Variants in SNRNP200 observed in about 807,000 individuals in gnomAD.
SNRNP200 encodes small nuclear ribonucleoprotein U5 subunit 200, also known as U5 small nuclear ribonucleoprotein 200 kDa helicase.
A neutral mutation model predicts 255.2 loss-of-function variants in SNRNP200; 66 were observed. That is an observed-to-expected ratio of 0.26 (90% CI 0.21 to 0.32). The LOEUF is 0.32. Among genes scored for constraint, SNRNP200 ranks in the 10% least tolerant of loss-of-function variants. SNRNP200 has a pLI of 1.00. For synonymous variants in SNRNP200, 939 were observed against 1,027.8 expected (o/e 0.91, Z 1.65); for missense variants, 1,585 against 2,749.8 (o/e 0.58, Z 9.47).
intron 8 of SNRNP200, 69 bp downstream of exon 8, chr2:96,298,534 A>G: frequency 1.2e-6 from 2 of 1,607,984 alleles, no homozygotes; most frequent in Non-Finnish European, 8.5e-7. Context: ...TGTGAAAACA[A>G]CAGAATCTCT....
chr2:96,297,700 C>G lies in SNRNP200; in HGVS notation c.1140G>C (p.Glu380Asp). 1 of 1,614,238 alleles carries G rather than the reference C, an allele frequency of 6.2e-7. No homozygotes were observed. Among genetic ancestry groups the G allele is most frequent in the East Asian group, 2.2e-5 (1 of 44,892 alleles). ...DLIREERSRRERVRQSRMDTD... is the reference protein window; with the variant it reads ...DLIREERSRRDRVRQSRMDTD... ...TGTCCATTCGAGACTGACGCACTCG[C>G]TCTCTCCGGGACCTTTCCTCCTGTA... The change falls in exon 10 of 45, where the codon GAG becomes GAC. Residue 380 changes from glutamate to aspartate, a missense_variant. By Grantham distance (45) the Glu-to-Asp change is conservative. Around this residue, in one of 9 missense-constraint regions of SNRNP200, gnomAD observed 383 missense variants for 645.3 expected, o/e 0.59. Transcript: ENST00000323853.
chr2:96,289,007 C>T, intron 23 of SNRNP200, 30 bp downstream of exon 23: 8 of 1,569,028 alleles, frequency 5.1e-6, no homozygotes, highest in Non-Finnish European at 7.0e-6. Flanking sequence ...AATCCTCATC[C>T]TTATCAAAGC....
In SNRNP200 at chr2:96,287,142, G is replaced by T; in HGVS notation, c.3503C>A (p.Pro1168Gln). The T allele has an allele frequency of 6.2e-7, 1 of 1,614,202 alleles. No individual in the cohort carries two copies. Among genetic ancestry groups the T allele is most frequent in the African/African-American group, 1.3e-5 (1 of 75,036 alleles). The change falls in exon 27 of 45, where the codon CCA (proline) becomes CAA (glutamine). Residue 1168 changes from proline to glutamine, a missense_variant. Pro to Gln is a moderately conservative substitution (Grantham distance 76). Around this residue, in one of 9 missense-constraint regions of SNRNP200, gnomAD observed 719 missense variants for 1,091.1 expected, o/e 0.66. Transcript: ENST00000323853. This position sits in a 1 kb window ranked among gnomAD's most constrained non-coding sequence, Gnocchi z 5.7. ...TTTGTGGATGGTCTTCCCCATCTTT[G>T]GCATGCGGATAAGCTCCCCTACAAG... ...HNEIGELIRM[P>Q]KMGKTIHKYV...
rs374123184 is a variant in SNRNP200, at chr2:96,298,364, T to A, written c.1039A>T (p.Met347Leu). Residue 347 changes from methionine to leucine, a missense_variant, in exon 9 of 45, where the codon ATG (methionine) becomes TTG (leucine). This residue lies in a region of SNRNP200 where 383 missense variants were observed against 645.3 expected (regional missense o/e 0.59). Coordinates refer to ENST00000323853, the MANE Select transcript of SNRNP200 (RefSeq NM_014014.5). Reference protein sequence around the residue: ...AQSEAEKERIMGKMEADPELS... With the variant: ...AQSEAEKERILGKMEADPELS... Reference sequence around the variant, plus strand: ...TCTGGGTCAGCTTCCATCTTTCCCATAATCCTTTCCTTTTCAGCTTCACTT... The same window carrying A: ...TCTGGGTCAGCTTCCATCTTTCCCAAAATCCTTTCCTTTTCAGCTTCACTT... 9.9e-6 allele frequency: 16 copies of A among 1,614,046 alleles called. No individual in the cohort carries two copies. The highest frequency in any genetic ancestry group is 1.3e-5 in the Non-Finnish European group (15 of 1,180,048).
At chr2:96,294,836 A>G (rs1233206894) in intron 14 of SNRNP200, among the ~76,000 whole-genome samples, 1 of 152,228 alleles carries the variant, frequency 6.6e-6, no homozygotes, top group Non-Finnish European at 1.5e-5. Context: ...TTGTTTCAAA[A>G]TATTTCAGAC....
At position 96,277,436 on chromosome 2, in the gene SNRNP200, A is replaced by T. The variant is rs779131189; in HGVS notation, c.5931+103T>A. ...GAGCACCTTCGGAGGAACCATAACTAAAAGTTTAACTTACTGAGACTCACC... is the reference window on the plus strand; with the variant it reads ...GAGCACCTTCGGAGGAACCATAACTTAAAGTTTAACTTACTGAGACTCACC... On this transcript the variant is annotated intron_variant, in intron 41 of 44. Coordinates refer to ENST00000323853, the MANE Select transcript of SNRNP200 (RefSeq NM_014014.5). The surrounding 1 kb of genome is among the most constrained non-coding windows in gnomAD (Gnocchi z 4.4). 114 of 1,441,062 alleles carry T rather than the reference A, an allele frequency of 7.9e-5. No individual in the cohort carries two copies. The highest frequency in any genetic ancestry group is 9.6e-5 in the Non-Finnish European group (99 of 1,029,214). 89.3% of individuals were successfully genotyped at this position (1,441,062 alleles called of 1,614,324 possible).
intron 6 of SNRNP200, 138 bp downstream of exon 6, chr2:96,299,191 C>G: frequency 4.1e-6 from 4 of 967,572 alleles, no homozygotes; most frequent in Non-Finnish European, 6.6e-6. Context: ...TTTTAAGAAA[C>G]TCTAGACACT....
rs1573986117 is a variant in SNRNP200, at chr2:96,275,134, G to A, written c.6289C>T (p.Pro2097Ser). 1 of 1,614,186 alleles carries A rather than the reference G, an allele frequency of 6.2e-7. No homozygotes were observed. Among genetic ancestry groups the A allele is most frequent in the Non-Finnish European group, 8.5e-7 (1 of 1,180,040 alleles). ...KAKVKLDFVA[P>S]ATGAHNYTLY... The stretch of plus-strand genomic sequence containing the variant: ...GTGTAGTTGTGGGCACCAGTGGCTG[G>A]GGCCACAAAGTCCAACTTCACCTAG... The change falls in exon 45 of 45, where the codon CCA becomes TCA. Residue 2097 changes from proline to serine, a missense_variant. Transcript: ENST00000323853.
At position 96,287,733 on chromosome 2, in the gene SNRNP200, G is replaced by T; in HGVS notation, c.3365+130C>A. On this transcript the variant is annotated intron_variant, in intron 25 of 44. Transcript: ENST00000323853. The surrounding 1 kb of genome is among the most constrained non-coding windows in gnomAD (Gnocchi z 5.7). ...AGAGGGCCTTCCCTCTTCTCAATGT[G>T]CACCAAGGTTCAGGTCATACTTCCG... 1 of 944,480 alleles carries T rather than the reference G, an allele frequency of 1.1e-6. No individual in the cohort carries two copies. Among genetic ancestry groups the T allele is most frequent in the Non-Finnish European group, 1.7e-6 (1 of 572,282 alleles). 58.5% of individuals were successfully genotyped at this position (944,480 alleles called of 1,614,324 possible).
chr2:96,282,192 G>C (rs1490380246), intron 34 of SNRNP200: 9 of 440,374 alleles, frequency 2.0e-5, no homozygotes, highest in Non-Finnish European at 3.8e-5. Flanking sequence ...CAAAACTACA[G>C]CTGATGGACT....
At chr2:96,276,809 T>C in intron 43 of SNRNP200, 95 bp downstream of exon 43, 1 of 1,122,392 alleles carries the variant, frequency 8.9e-7, no homozygotes, top group South Asian at 1.2e-5. Flanking sequence ...CAGTCTAAAG[T>C]TTCCCTCCCT....
At chr2:96,284,028 G>GCC in intron 31 of SNRNP200, 24 bp from the exon 32 acceptor site, 3 of 762,066 alleles carry the variant, frequency 3.9e-6, no homozygotes, top group Non-Finnish European at 6.7e-6. Flanking sequence ...GGGAGGGAGG[G>GCC]TCACTGCAGG....
intron 3 of SNRNP200, among the ~76,000 whole-genome samples, chr2:96,302,393 T>C (rs961605916): frequency 6.6e-6 from 1 of 152,232 alleles, no homozygotes. Flanking sequence ...TCTCCCTTTC[T>C]GACACATGGT....
chr2:96,278,162 G>T lies in SNRNP200; in HGVS notation c.5610+75C>A. On this transcript the variant is annotated intron_variant, in intron 39 of 44. Transcript: ENST00000323853. The surrounding 1 kb of genome is among the most constrained non-coding windows in gnomAD (Gnocchi z 6.9). ...ATGCGTATGGGCGTGTTGGTGGCAG[G>T]GATGCCATGTGCTCTGGGCACACAG... 6.2e-7 allele frequency: 1 copy of T among 1,608,502 alleles called. No homozygotes were observed.
In SNRNP200 at chr2:96,278,816, G is replaced by A. The variant is rs757855421; in HGVS notation, c.5316C>T (p.Asn1772=). 5.0e-6 allele frequency: 8 copies of A among 1,614,236 alleles called. No homozygotes were observed. The highest frequency in any genetic ancestry group is 1.7e-5 in the Admixed American group (1 of 60,032). The change falls in exon 37 of 45, where the codon AAC becomes AAT. Residue 1772 remains asparagine, a synonymous_variant. Coordinates refer to ENST00000323853, the MANE Select transcript of SNRNP200 (RefSeq NM_014014.5). The surrounding 1 kb of genome is among the most constrained non-coding windows in gnomAD (Gnocchi z 6.9). ...RRMTQNPNYY[N]LQGISHRHLS... ...GCTCCCAAGCCCACTGACCCTGCAG[G>A]TTGTAGTAATTGGGGTTCTGTGTCA... is the stretch of plus-strand genomic sequence containing the variant.
chr2:96,296,493 A>G, intron 13 of SNRNP200, 43 bp downstream of exon 13: 1 of 1,604,620 alleles, frequency 6.2e-7, no homozygotes, highest in Non-Finnish European at 8.5e-7. Context: ...ACACTTTCAT[A>G]GGTGCACCCA....
At chr2:96,285,131 A>G in intron 30 of SNRNP200, 49 bp downstream of exon 30, 1 of 1,603,196 alleles carries the variant, frequency 6.2e-7, no homozygotes, top group South Asian at 1.1e-5. Context: ...ACGGAATCAC[A>G]GATGAAATGC....
In SNRNP200 at chr2:96,274,502, G is replaced by A. The variant is rs1005128314; in HGVS notation, c.*510C>T. On this transcript the variant is annotated 3_prime_UTR_variant, in exon 45 of 45. Coordinates refer to ENST00000323853, the MANE Select transcript of SNRNP200 (RefSeq NM_014014.5). ...CTTCCGAGGCTCAGTGTTGGTTCTTGTGGTAGTGCTGATGTGTGGGTACCA... is the reference window on the plus strand; with the variant it reads ...CTTCCGAGGCTCAGTGTTGGTTCTTATGGTAGTGCTGATGTGTGGGTACCA... 1 of 185,708 alleles carries A rather than the reference G, an allele frequency of 5.4e-6. No individual in the cohort carries two copies. The highest frequency in any genetic ancestry group is 1.1e-5 in the Non-Finnish European group (1 of 87,444). The allele number at this position is 185,708 out of a possible 1,614,324, so 11.5% of individuals were successfully genotyped here.
chr2:96,279,114 T>C (rs558481600), intron 36 of SNRNP200, 116 bp from the exon 37 acceptor site: 4 of 818,500 alleles, frequency 4.9e-6, no homozygotes, highest in Non-Finnish European at 4.1e-6. Context: ...AATACCAAAA[T>C]GGAAGAAGCC....
Sources: allele counts gnomAD v4.1 joint callset (sites outside exome capture counted in the v4.1 genomes callset), GRCh38; gene constraint gnomAD v4.1.1; regional missense constraint gnomAD v4.1.1; non-coding constraint Gnocchi (gnomAD v3.1); transcripts MANE v1.5; gene names NCBI Gene and HGNC (gene_info 2026-07-23, HGNC 2026-07-21).